The following LRP1B variants were observed in gnomAD, a reference collection of about 807,000 sequenced individuals.
LRP1B encodes the protein low-density lipoprotein receptor-related protein 1B.
LRP1B carries 217 observed loss-of-function variants against 556.6 expected under a neutral mutation model. The ratio of observed to expected loss-of-function variants is 0.39; its 90% confidence interval spans 0.35 to 0.44. The LOEUF is 0.44. Ranked by LOEUF, LRP1B falls within the 20% of genes least tolerant of loss-of-function variation. The pLI is 1.00. For synonymous variants in LRP1B, 2,047 were observed against 1,865.8 expected (o/e 1.10, Z -2.50); for missense variants, 5,053 against 5,620.8 (o/e 0.90, Z 3.23).
chr2:141,980,084 G>C (rs949542349), intron 1 of LRP1B, among the ~76,000 whole-genome samples: 2 of 152,090 alleles, frequency 1.3e-5, no homozygotes, highest in Admixed American at 6.6e-5. Flanking sequence ...TCTCTAGTAT[G>C]AGTGAGAGAA....
intron 60 of LRP1B, among the ~76,000 whole-genome samples, chr2:140,470,018 G>T (rs1369540567): frequency 6.6e-6 from 1 of 152,144 alleles, no homozygotes; most frequent in East Asian, 1.9e-4. Flanking sequence ...TCTAATAAAA[G>T]ACTTAGTTCA....
chr2:140,736,512 A>G (rs1233607192), intron 35 of LRP1B, among the ~76,000 whole-genome samples: 1 of 152,202 alleles, frequency 6.6e-6, no homozygotes, highest in Non-Finnish European at 1.5e-5. Flanking sequence ...ACAGCATGGT[A>G]CTGGTACCAA....
intron 2 of LRP1B, among the ~76,000 whole-genome samples, chr2:141,480,921 C>G (rs9287318): frequency 0.44 from 67,355 of 151,894 alleles, 15,231 homozygotes; most frequent in Non-Finnish European, 0.49. Flanking sequence ...AATGGTTCTC[C>G]GCAGATCTCT....
At chr2:140,874,874 C>T (rs567205469) in intron 25 of LRP1B, among the ~76,000 whole-genome samples, 89 of 151,954 alleles carry the variant, frequency 5.9e-4, no homozygotes, top group African/African-American at 1.9e-3. Context: ...AAAAAAATAG[C>T]GGGGCGTGGT....
intron 2 of LRP1B, among the ~76,000 whole-genome samples, chr2:141,584,577 A>G (rs1687064646): frequency 6.6e-6 from 1 of 152,218 alleles, no homozygotes; most frequent in Non-Finnish European, 1.5e-5. Flanking sequence ...TTATTAATGA[A>G]CAGTTGTATA....
At chr2:140,920,230 C>A (rs1268751727) in intron 21 of LRP1B, among the ~76,000 whole-genome samples, 1 of 151,968 alleles carries the variant, frequency 6.6e-6, no homozygotes, top group Non-Finnish European at 1.5e-5. Context: ...CGGCACAATG[C>A]ACTTCTTGGT....
intron 16 of LRP1B, among the ~76,000 whole-genome samples, chr2:140,991,198 C>T (rs1015425033): frequency 1.3e-5 from 2 of 152,030 alleles, no homozygotes; most frequent in Non-Finnish European, 2.9e-5. Context: ...ATTTAAAGTA[C>T]CAATATTATA....
chr2:141,375,353 G>T (rs1280174835), intron 3 of LRP1B, among the ~76,000 whole-genome samples: 4 of 152,078 alleles, frequency 2.6e-5, no homozygotes. Flanking sequence ...CTAATTCTTG[G>T]GTCACCAGAT....
intron 1 of LRP1B, among the ~76,000 whole-genome samples, chr2:141,961,074 T>C (rs1156280464): frequency 6.6e-6 from 1 of 151,758 alleles, no homozygotes. Flanking sequence ...TACTTCATGA[T>C]GTATAGCAAA....
Position 140,474,553 on chromosome 2 carries a change from C to T in LRP1B, c.9625+585G>A, listed in dbSNP as rs79548620. ...AGGAAAAAATCTAATTCTTAAAAAGCTACCTGTTACCTAAAACGTTTTGAT... is the reference window on the plus strand; with the variant it reads ...AGGAAAAAATCTAATTCTTAAAAAGTTACCTGTTACCTAAAACGTTTTGAT... On this transcript the variant is annotated intron_variant, in intron 60 of 90. Transcript: ENST00000389484. Among the ~76,000 whole-genome samples the T allele has an allele frequency of 3.4e-3, 523 of 152,004 alleles. 8 individuals carry two copies. Among genetic ancestry groups the T allele is most frequent in the African/African-American group, 0.012 (484 of 41,538 alleles).
intron 1 of LRP1B, among the ~76,000 whole-genome samples, chr2:142,107,573 G>T (rs1706793449): frequency 6.6e-6 from 1 of 152,026 alleles, no homozygotes; most frequent in Admixed American, 6.6e-5. Flanking sequence ...AATGGGCTAA[G>T]ACAGTTGTTC....
intron 1 of LRP1B, among the ~76,000 whole-genome samples, chr2:142,040,380 A>G (rs1559038094): frequency 6.6e-6 from 1 of 151,340 alleles, no homozygotes; most frequent in Non-Finnish European, 1.5e-5. Flanking sequence ...CGGGAGGCAA[A>G]TTTATCCTAG....
At chr2:140,552,212 A>G (rs1482578434) in intron 43 of LRP1B, among the ~76,000 whole-genome samples, 1 of 152,162 alleles carries the variant, frequency 6.6e-6, no homozygotes, top group Non-Finnish European at 1.5e-5. Flanking sequence ...GTATCGTATT[A>G]CAGACTAATG....
chr2:140,744,169 T>C (rs1298808161), intron 35 of LRP1B, among the ~76,000 whole-genome samples: 1 of 151,992 alleles, frequency 6.6e-6, no homozygotes, highest in Non-Finnish European at 1.5e-5. Flanking sequence ...TGGTTATCAT[T>C]ATACAAAACA....
intron 3 of LRP1B, among the ~76,000 whole-genome samples, chr2:141,434,000 G>T (rs1041277073): frequency 1.1e-4 from 16 of 151,110 alleles, no homozygotes; most frequent in Non-Finnish European, 2.1e-4. Context: ...TTGATGAGTT[G>T]TTTCCACCTT....
chr2:141,320,393 G>A (rs1272692282), intron 3 of LRP1B, among the ~76,000 whole-genome samples: 1 of 151,978 alleles, frequency 6.6e-6, no homozygotes, highest in Non-Finnish European at 1.5e-5. Context: ...GAATATTTAG[G>A]GAATGTTTAG....
chr2:140,894,147 A>C (rs1693879125), intron 23 of LRP1B, among the ~76,000 whole-genome samples: 1 of 152,194 alleles, frequency 6.6e-6, no homozygotes, highest in Non-Finnish European at 1.5e-5. Context: ...CTTCACCTTT[A>C]TCACTCACTA....
chr2:141,520,057 C>T (rs1315667385), intron 2 of LRP1B, among the ~76,000 whole-genome samples: 1 of 152,144 alleles, frequency 6.6e-6, no homozygotes, highest in Non-Finnish European at 1.5e-5. Flanking sequence ...AACCATACAG[C>T]TGCCATTTTG....
At chr2:141,398,665 T>C (rs1304627437) in intron 3 of LRP1B, among the ~76,000 whole-genome samples, 4 of 152,176 alleles carry the variant, frequency 2.6e-5, no homozygotes, top group East Asian at 3.9e-4. Flanking sequence ...TGTTCACATA[T>C]CTCTAACATT....
Sources: allele counts gnomAD v4.1 joint callset (sites outside exome capture counted in the v4.1 genomes callset), GRCh38; gene constraint gnomAD v4.1.1; transcripts MANE v1.5; gene names NCBI Gene and HGNC (gene_info 2026-07-23, HGNC 2026-07-21).